TENM2: variants seen among roughly 807,000 people sequenced by gnomAD.
TENM2 encodes teneurin transmembrane protein 2, also known as teneurin-2.
In TENM2, 52 loss-of-function variants were observed where a neutral mutation model predicts 245.2. The observed-to-expected ratio is 0.21, with a 90% CI of 0.17 to 0.27. The LOEUF is 0.27. Ranked by LOEUF, TENM2 falls within the 10% of genes least tolerant of loss-of-function variation. The pLI, the probability that TENM2 is intolerant of heterozygous loss-of-function variation, is 1.00. For synonymous variants in TENM2, 1,363 were observed against 1,438.9 expected (o/e 0.95, Z 1.19); for missense variants, 3,046 against 3,666.8 (o/e 0.83, Z 4.37).
At chr5:167,660,281 T>A (rs1374409650) in intron 2 of TENM2, 1 of 151,462 alleles carries the variant, frequency 6.6e-6, no homozygotes, top group Non-Finnish European at 1.5e-5. Flanking sequence ...GCTAACACGG[T>A]GAAACCCCGT....
chr5:167,455,154 C>T (rs1765837068), intron 2 of TENM2, among the ~76,000 whole-genome samples: 1 of 152,058 alleles, frequency 6.6e-6, no homozygotes, highest in Admixed American at 6.5e-5. Context: ...GTTGTGTAGA[C>T]TCATTAATGT....
At chr5:167,992,211 C>T (rs2152007776) in intron 4 of TENM2, among the ~76,000 whole-genome samples, 1 of 151,984 alleles carries the variant, frequency 6.6e-6, no homozygotes, top group East Asian at 1.9e-4. Flanking sequence ...TCAGAAATCA[C>T]CACTAAAGAA....
At chr5:166,986,483 C>T in the TENM2 span, among the ~76,000 whole-genome samples, 3 of 151,952 alleles carry the variant, frequency 2.0e-5, no homozygotes, top group Admixed American at 6.6e-5. Flanking sequence ...GAATAACTAC[C>T]CTTTTAAGGA....
At position 167,710,418 on chromosome 5, in the gene TENM2, A is replaced by G. The variant is rs556122992; in HGVS notation, c.503-165568A>G. 5.9e-5 allele frequency among the ~76,000 whole-genome samples: 9 copies of G among 152,326 alleles called. No individual in the cohort carries two copies. In the East Asian group the frequency reaches 1.2e-3, roughly 20 times the overall value. ...TGCTGGGCAGAGGAGCCCTGGGAGC[A>G]CTTAAGTAACCTAGGAAAGGAGAAT... On this transcript the variant is annotated intron_variant, in intron 2 of 28. Coordinates refer to ENST00000518659, the Ensembl canonical transcript of TENM2.
intron 2 of TENM2, among the ~76,000 whole-genome samples, chr5:167,408,241 G>A (rs1445314314): frequency 6.6e-6 from 1 of 152,118 alleles, no homozygotes; most frequent in Non-Finnish European, 1.5e-5. Context: ...AAAGTAGAAG[G>A]AAGCTTGGAA....
At chr5:167,614,431 A>T (rs1278234332) in intron 2 of TENM2, among the ~76,000 whole-genome samples, 2 of 152,056 alleles carry the variant, frequency 1.3e-5, no homozygotes, top group Admixed American at 6.6e-5. Flanking sequence ...AGGTGGTAGT[A>T]ATATACGAAG....
chr5:167,743,619 A>AAAT (rs1213070361), intron 2 of TENM2, among the ~76,000 whole-genome samples: 1 of 152,206 alleles, frequency 6.6e-6, no homozygotes, highest in African/African-American at 2.4e-5. Flanking sequence ...GGAAAAGAGA[A>AAAT]AATTGTTTGA....
At chr5:168,105,697 C>T (rs1794186146) in intron 9 of TENM2, among the ~76,000 whole-genome samples, 1 of 152,064 alleles carries the variant, frequency 6.6e-6, no homozygotes, top group African/African-American at 2.4e-5. Flanking sequence ...GATCCAGGGC[C>T]TCAGGAAAAA....
chr5:167,431,287 G>A (rs953253787), intron 2 of TENM2, among the ~76,000 whole-genome samples: 2 of 152,098 alleles, frequency 1.3e-5, no homozygotes, highest in African/African-American at 4.8e-5. Flanking sequence ...GAAAGAGAAA[G>A]ATATTTTCAG....
chr5:167,011,859 C>G, the TENM2 span, among the ~76,000 whole-genome samples: 1 of 152,154 alleles, frequency 6.6e-6, no homozygotes, highest in Non-Finnish European at 1.5e-5. Flanking sequence ...TTAAATTACT[C>G]TGTCTTAGTT....
intron 2 of TENM2, among the ~76,000 whole-genome samples, chr5:167,494,173 C>T (rs1768627808): frequency 6.6e-6 from 1 of 152,098 alleles, no homozygotes; most frequent in South Asian, 2.1e-4. Flanking sequence ...AGAGCATTCT[C>T]ATGTGGAACT....
chr5:167,605,370 C>T (rs1458122968), intron 2 of TENM2, among the ~76,000 whole-genome samples: 1 of 152,038 alleles, frequency 6.6e-6, no homozygotes, highest in African/African-American at 2.4e-5. Flanking sequence ...AGGATATGAA[C>T]CAGGAATAAA....
chr5:168,032,088 C>T (rs72824975), intron 5 of TENM2, among the ~76,000 whole-genome samples: 1 of 152,130 alleles, frequency 6.6e-6, no homozygotes, highest in Non-Finnish European at 1.5e-5. Context: ...GCCAGAGTCC[C>T]CAAGTTCAAA....
chr5:167,962,294 GA>G (rs11324621), intron 4 of TENM2, among the ~76,000 whole-genome samples: 22,278 of 139,898 alleles, frequency 0.16, 2,601 homozygotes, highest in African/African-American at 0.33. Flanking sequence ...CCATCAAAAG[GA>G]AAAAAAAAAA....
chr5:167,262,564 G>C, the TENM2 span, among the ~76,000 whole-genome samples: 3 of 152,076 alleles, frequency 2.0e-5, no homozygotes, highest in Non-Finnish European at 4.4e-5. Context: ...CTGTGTGGTA[G>C]TGGGGGTTGT....
intron 5 of TENM2, among the ~76,000 whole-genome samples, chr5:168,016,362 A>G (rs1487705692): frequency 6.6e-6 from 1 of 152,204 alleles, no homozygotes; most frequent in Non-Finnish European, 1.5e-5. Context: ...CCATTATTTT[A>G]TCTGACAAAC....
intron 2 of TENM2, among the ~76,000 whole-genome samples, chr5:167,597,244 A>C (rs1776288705): frequency 6.8e-6 from 1 of 147,782 alleles, no homozygotes; most frequent in Non-Finnish European, 1.5e-5. Context: ...AGCTCACTGC[A>C]ATCTCCACCT....
At chr5:167,592,747 G>T (rs7731493) in intron 2 of TENM2, among the ~76,000 whole-genome samples, 2,517 of 152,038 alleles carry the variant, frequency 0.017, 75 homozygotes, top group East Asian at 0.11. Flanking sequence ...ACTAGTTTTA[G>T]GTTTCATTGT....
In TENM2 at chr5:168,164,712, C is replaced by T. The variant is rs564614114; in HGVS notation, c.2569+1955C>T. ...CTCCTAAGAATACTGTGGAATGTTC[C>T]GTAGACTTCAGTACAGGTATGTTAT... On this transcript the variant is annotated intron_variant, in intron 13 of 28. Coordinates refer to ENST00000518659, the Ensembl canonical transcript of TENM2. Among the ~76,000 whole-genome samples, 19 of 152,224 alleles carry T rather than the reference C, an allele frequency of 1.2e-4. No homozygotes were observed. In the East Asian group the frequency reaches 2.1e-3, roughly 17 times the overall value.
Sources: gnomAD v4.1 joint callset for allele counts (sites outside exome capture counted in the v4.1 genomes callset) on GRCh38, gnomAD v4.1.1 for gene constraint, MANE v1.5 for transcripts, NCBI Gene and HGNC (gene_info 2026-07-23, HGNC 2026-07-21) for gene names.